TBC1D9: variants seen among roughly 807,000 people sequenced by gnomAD.
The protein encoded by TBC1D9 is TBC1 domain family member 9, also known as TBC1 domain family member 9A.
TBC1D9 carries 63 observed loss-of-function variants against 132.0 expected under a neutral mutation model. That is an observed-to-expected ratio of 0.48 (90% CI 0.39 to 0.59). The LOEUF (loss-of-function observed/expected upper bound fraction) is 0.59, where lower values mean the gene tolerates loss of function less well. Ranked by LOEUF, TBC1D9 falls within the 20% of genes least tolerant of loss-of-function variation. The probability of loss-of-function intolerance (pLI) is 0.00; values close to 1 mark genes in which losing one functional copy is unlikely to be tolerated. For missense variants in TBC1D9, 1,261 were observed against 1,592.7 expected (o/e 0.79, Z 3.54); for synonymous variants, 610 against 609.9 (o/e 1.00, Z 0.00).
intron 1 of TBC1D9, among the ~76,000 whole-genome samples, chr4:140,736,663 A>C (rs1362485803): frequency 6.6e-6 from 1 of 152,166 alleles, no homozygotes; most frequent in African/African-American, 2.4e-5. Context: ...TGCAAAACAG[A>C]GAACAGGAAG....
intron 10 of TBC1D9, among the ~76,000 whole-genome samples, chr4:140,660,660 T>G (rs901799126): frequency 1.3e-5 from 2 of 152,192 alleles, no homozygotes; most frequent in African/African-American, 4.8e-5. Flanking sequence ...GACTAGGTAT[T>G]GGAGGATGGG....
chr4:140,708,660 T>C (rs1738182952), intron 1 of TBC1D9, among the ~76,000 whole-genome samples: 1 of 152,296 alleles, frequency 6.6e-6, no homozygotes, highest in South Asian at 2.1e-4. Flanking sequence ...GTCAGCTCCA[T>C]AATTATAAAT....
intron 9 of TBC1D9, among the ~76,000 whole-genome samples, chr4:140,663,914 A>G (rs1737403252): frequency 1.3e-5 from 2 of 152,104 alleles, no homozygotes; most frequent in South Asian, 4.2e-4. Flanking sequence ...GATGTTGGTC[A>G]AAGGGTATAG....
At chr4:140,753,357 C>A (rs1738954850) in intron 1 of TBC1D9, among the ~76,000 whole-genome samples, 1 of 152,118 alleles carries the variant, frequency 6.6e-6, no homozygotes, top group African/African-American at 2.4e-5. Flanking sequence ...GCCTCCCCAG[C>A]AGCTGGGACT....
chr4:140,633,891 C>T, intron 16 of TBC1D9, 57 bp downstream of exon 16: 2 of 1,597,104 alleles, frequency 1.3e-6, no homozygotes, highest in East Asian at 2.2e-5. Context: ...GCATGGGCAA[C>T]ACTAGGCACA....
At chr4:140,672,281 A>G (rs1206010705) in intron 6 of TBC1D9, among the ~76,000 whole-genome samples, 1 of 150,114 alleles carries the variant, frequency 6.7e-6, no homozygotes. Context: ...ATTTATATAT[A>G]TTAAAGGAAT....
chr4:140,692,460 A>G (rs573046618), intron 2 of TBC1D9, among the ~76,000 whole-genome samples: 4 of 152,332 alleles, frequency 2.6e-5, no homozygotes, highest in Non-Finnish European at 5.9e-5. Context: ...ATACTGGAGC[A>G]ACCTTTAATC....
intron 17 of TBC1D9, among the ~76,000 whole-genome samples, chr4:140,627,782 G>A (rs1031192200): frequency 6.6e-6 from 1 of 152,136 alleles, no homozygotes; most frequent in South Asian, 2.1e-4. Context: ...AATTTTCCAA[G>A]TTGTATGGAA....
chr4:140,725,648 A>G (rs897089964), intron 1 of TBC1D9, among the ~76,000 whole-genome samples: 3 of 152,070 alleles, frequency 2.0e-5, no homozygotes, highest in Admixed American at 6.6e-5. Context: ...GTAAAACCCC[A>G]TATCTCGTTT....
At chr4:140,643,049 C>T (rs978534393) in intron 13 of TBC1D9, 2 of 1,215,440 alleles carry the variant, frequency 1.6e-6, no homozygotes, top group Non-Finnish European at 2.3e-6. Flanking sequence ...ACATCCGCTC[C>T]TCCTTCTTGC....
chr4:140,714,783 G>A (rs1423133617), intron 1 of TBC1D9, among the ~76,000 whole-genome samples: 2 of 152,124 alleles, frequency 1.3e-5, no homozygotes, highest in Non-Finnish European at 2.9e-5. Context: ...TCTCTGTCAT[G>A]TGATGCTATA....
chr4:140,623,453 C>T lies in TBC1D9; in HGVS notation c.3079-536G>A, dbSNP rs141789177. Among the ~76,000 whole-genome samples, 673 of 152,308 alleles carry T rather than the reference C, an allele frequency of 4.4e-3. 3 individuals are homozygous for T. Among genetic ancestry groups the T allele is most frequent in the African/African-American group, 0.016 (653 of 41,552 alleles). On this transcript the variant is annotated intron_variant, in intron 20 of 20. Coordinates refer to ENST00000442267, the MANE Select transcript of TBC1D9 (RefSeq NM_015130.3). ...GTAAACATCCATGTACAGCTCACCT[C>T]GAGTCAAGAAGGACTATGTCATACA...
At chr4:140,668,029 T>G (rs988561927) in intron 9 of TBC1D9, among the ~76,000 whole-genome samples, 4 of 152,222 alleles carry the variant, frequency 2.6e-5, no homozygotes, top group Non-Finnish European at 5.9e-5. Flanking sequence ...AATAAAAATA[T>G]TCACATAAGC....
rs764435976 is a variant in TBC1D9, at chr4:140,669,843, G to A, written c.1267-39C>T. On this transcript the variant is annotated intron_variant, in intron 7 of 20. Coordinates refer to ENST00000442267, the MANE Select transcript of TBC1D9 (RefSeq NM_015130.3). ...GAGGAACAAGACATTGGGAGGACAC[G>A]GGCAATAGAACCTACTTCTTCAGTG... 92 of 1,575,032 alleles carry A rather than the reference G, an allele frequency of 5.8e-5. No homozygotes were observed. In the Admixed American group the frequency reaches 5.9e-4, roughly 10 times the overall value.
intron 13 of TBC1D9, chr4:140,643,020 AC>A (rs1218107925): frequency 3.4e-6 from 3 of 877,744 alleles, no homozygotes; most frequent in Admixed American, 5.1e-5. Context: ...CATGTCCTCC[AC>A]GGAGGACTTC....
At position 140,634,079 on chromosome 4, in the gene TBC1D9, T is replaced by C; in HGVS notation, c.2615A>G (p.Lys872Arg). 1 of 1,614,032 alleles carries C rather than the reference T, an allele frequency of 6.2e-7. No homozygotes were observed. The highest frequency in any genetic ancestry group is 8.5e-7 in the Non-Finnish European group (1 of 1,179,900). ...EQYRIDFEQF[K>R]GMFALLFPWA... ...AGGAAAGAGAAGAGCAAACATTCCC[T>C]TGAACTGCTCGAAGTCAATGCGATA... The change falls in exon 16 of 21, where the codon AAG becomes AGG. Residue 872 changes from lysine to arginine, a missense_variant. Physicochemically the swap from Lys to Arg is conservative, Grantham distance 26 (BLOSUM62 2). Around this residue, in one of 3 missense-constraint regions of TBC1D9, gnomAD observed 618 missense variants for 724.4 expected, o/e 0.85. Coordinates refer to ENST00000442267, the MANE Select transcript of TBC1D9 (RefSeq NM_015130.3).
chr4:140,687,341 GTCATATA>G (rs1367360803), intron 2 of TBC1D9, among the ~76,000 whole-genome samples: 6,738 of 91,048 alleles, frequency 0.074, 908 homozygotes, highest in African/African-American at 0.21. Flanking sequence ...GTGTGTGTGT[GTCATATA>G]TATATATATA....
intron 1 of TBC1D9, among the ~76,000 whole-genome samples, chr4:140,750,731 T>C (rs959905559): frequency 6.6e-6 from 1 of 152,118 alleles, no homozygotes; most frequent in Admixed American, 6.6e-5. Flanking sequence ...ATTTACAGAC[T>C]CAATGTAATG....
At position 140,621,336 on chromosome 4, in the gene TBC1D9, C is replaced by G. The variant is rs6854457; in HGVS notation, c.*859G>C. 0.14 allele frequency: 21,264 copies of G among 152,326 alleles called. 1,556 individuals are homozygous for G. The highest frequency in any genetic ancestry group is 0.15 in the South Asian group (737 of 4,814). 9.4% of individuals were successfully genotyped at this position (152,326 alleles called of 1,614,324 possible). A position where few individuals can be genotyped will look rare whatever the true frequency, so the allele number is the denominator to read the frequency against. On this transcript the variant is annotated 3_prime_UTR_variant, in exon 21 of 21. Coordinates refer to ENST00000442267, the MANE Select transcript of TBC1D9 (RefSeq NM_015130.3). ...TTTTTGCAGTAAGAAGCTAAACATC[C>G]AGTATCAGAAGCATCAGTACTTTTA...
Sources: gnomAD v4.1 joint callset for allele counts (sites outside exome capture counted in the v4.1 genomes callset) on GRCh38, gnomAD v4.1.1 for gene constraint, gnomAD v4.1.1 regional missense constraint, MANE v1.5 for transcripts, NCBI Gene and HGNC (gene_info 2026-07-23, HGNC 2026-07-21) for gene names.